NTN1: variants seen among roughly 807,000 people sequenced by gnomAD.
The protein encoded by NTN1 is netrin 1.
A neutral mutation model predicts 54.2 loss-of-function variants in NTN1; 11 were observed. The ratio of observed to expected loss-of-function variants is 0.20; its 90% CI spans 0.13 to 0.34. NTN1 has a LOEUF of 0.34. Among genes scored for constraint, NTN1 ranks in the 10% least tolerant of loss-of-function variants. The probability of loss-of-function intolerance (pLI) is 1.00; values close to 1 mark genes in which losing one functional copy is unlikely to be tolerated. For synonymous variants in NTN1, 371 were observed against 382.0 expected (o/e 0.97, Z 0.33); for missense variants, 740 against 893.1 (o/e 0.83, Z 2.18).
chr17:9,186,038 C>T (rs936128997), intron 5 of NTN1, among the ~76,000 whole-genome samples: 3 of 152,026 alleles, frequency 2.0e-5, no homozygotes, highest in Non-Finnish European at 1.5e-5. Context: ...TTCAGAGGCA[C>T]CTGCTTGTTC....
At chr17:9,088,967 C>T (rs1405866852) in intron 2 of NTN1, among the ~76,000 whole-genome samples, 4 of 152,186 alleles carry the variant, frequency 2.6e-5, no homozygotes, top group Non-Finnish European at 5.9e-5. Flanking sequence ...AATTTCTCCT[C>T]AGCCTCATGC....
chr17:9,086,856 C>T (rs1346775131), intron 2 of NTN1, among the ~76,000 whole-genome samples: 1 of 152,146 alleles, frequency 6.6e-6, no homozygotes, highest in Non-Finnish European at 1.5e-5. Context: ...TTGTCACCAT[C>T]ATCATCACTT....
rs894055463 is a variant in NTN1, at chr17:9,135,458, G to C, written c.1019-27355G>C. 1.3e-5 allele frequency among the ~76,000 whole-genome samples: 2 copies of C among 152,182 alleles called. No homozygotes were observed. Among genetic ancestry groups the C allele is most frequent in the African/African-American group, 2.4e-5 (1 of 41,450 alleles). On this transcript the variant is annotated intron_variant, in intron 2 of 6. Coordinates refer to ENST00000173229, the MANE Select transcript of NTN1 (RefSeq NM_004822.3). The surrounding 1 kb of genome is among the most constrained non-coding windows in gnomAD (Gnocchi z 4.4). Reference sequence around the variant, plus strand: ...TCCCCCTATTCTCGGGTTGTCTCCTGTTCCCAGCAATAGTTCATTCGCCAC... The same window carrying C: ...TCCCCCTATTCTCGGGTTGTCTCCTCTTCCCAGCAATAGTTCATTCGCCAC...
chr17:9,079,779 T>G (rs145111573), intron 2 of NTN1, among the ~76,000 whole-genome samples: 8 of 78,146 alleles, frequency 1.0e-4, no homozygotes, highest in African/African-American at 1.4e-4. Flanking sequence ...TTCCCCCTGG[T>G]AAGTGGTTCC....
intron 6 of NTN1, among the ~76,000 whole-genome samples, chr17:9,233,234 G>A (rs1905875205): frequency 6.6e-6 from 1 of 152,110 alleles, no homozygotes; most frequent in Non-Finnish European, 1.5e-5. Context: ...CCAGGGAAAG[G>A]AGAAGGGCCA....
intron 2 of NTN1, among the ~76,000 whole-genome samples, chr17:9,103,490 G>A (rs1459038490): frequency 6.6e-6 from 1 of 151,896 alleles, no homozygotes; most frequent in African/African-American, 2.4e-5. Context: ...TTTTATAAGG[G>A]GCTTTTCTCT....
At chr17:9,063,511 T>A (rs1034839367) in intron 2 of NTN1, among the ~76,000 whole-genome samples, 1 of 151,976 alleles carries the variant, frequency 6.6e-6, no homozygotes, top group African/African-American at 2.4e-5. Context: ...AGTTCCACAT[T>A]GAGCTATGAA....
At chr17:9,034,959 T>A (rs1455647921) in intron 2 of NTN1, among the ~76,000 whole-genome samples, 1 of 152,104 alleles carries the variant, frequency 6.6e-6, no homozygotes, top group Non-Finnish European at 1.5e-5. Flanking sequence ...TTATTTGTTA[T>A]TTTTTGAGAC....
At chr17:9,161,818 G>A (rs896348812) in intron 2 of NTN1, among the ~76,000 whole-genome samples, 1 of 152,178 alleles carries the variant, frequency 6.6e-6, no homozygotes, top group African/African-American at 2.4e-5. Context: ...TGCTTCTGCT[G>A]ATCATGCTGA....
chr17:9,059,734 GT>G (rs1229928365), intron 2 of NTN1, among the ~76,000 whole-genome samples: 1 of 151,920 alleles, frequency 6.6e-6, no homozygotes, highest in Non-Finnish European at 1.5e-5. Flanking sequence ...CTAGACAGAG[GT>G]GATGGTTGTA....
chr17:9,022,908 A>C lies in NTN1; in HGVS notation c.535A>C (p.Thr179Pro). Residue 179 changes from threonine (T) to proline (P), a missense_variant, in exon 2 of 7, where the codon ACG (threonine) becomes CCG (proline). Thr to Pro is a conservative substitution (Grantham distance 38). Coordinates refer to ENST00000173229, the MANE Select transcript of NTN1 (RefSeq NM_004822.3). ...GTGGGTGCCCTTCCAGTTCTACTCC[A>C]CGCAGTGCCGCAAGATGTACAACCG... ...RTWVPFQFYSTQCRKMYNRPH... is the reference protein window; with the variant it reads ...RTWVPFQFYSPQCRKMYNRPH... 1 of 1,611,950 alleles carries C rather than the reference A, an allele frequency of 6.2e-7. No individual in the cohort carries two copies. Among genetic ancestry groups the C allele is most frequent in the Non-Finnish European group, 8.5e-7 (1 of 1,179,868 alleles).
chr17:9,092,319 C>T (rs867818314), intron 2 of NTN1, among the ~76,000 whole-genome samples: 2 of 91,714 alleles, frequency 2.2e-5, no homozygotes, highest in South Asian at 5.5e-4. Context: ...CTTTTCTTCT[C>T]TTTTTTTTTT....
In NTN1 at chr17:9,135,987, A is replaced by G. The variant is rs1353152226; in HGVS notation, c.1019-26826A>G. ...ACGTGCCTACTCAAACTCGACACCC[A>G]TCCTCCTCACTCCCGCCTGGGAAGC... On this transcript the variant is annotated intron_variant, in intron 2 of 6. Transcript: ENST00000173229. The surrounding 1 kb of genome is among the most constrained non-coding windows in gnomAD (Gnocchi z 4.4). 6.6e-6 allele frequency among the ~76,000 whole-genome samples: 1 copy of G among 152,080 alleles called. No homozygotes were observed. Among genetic ancestry groups the G allele is most frequent in the Non-Finnish European group, 1.5e-5 (1 of 67,998 alleles).
intron 2 of NTN1, among the ~76,000 whole-genome samples, chr17:9,140,759 C>G (rs1175384965): frequency 1.3e-5 from 2 of 152,156 alleles, no homozygotes; most frequent in African/African-American, 4.8e-5. Context: ...TTGTCCTGCA[C>G]AGGAGGGAAA....
chr17:9,100,233 A>G (rs746411059), intron 2 of NTN1, among the ~76,000 whole-genome samples: 6 of 152,140 alleles, frequency 3.9e-5, no homozygotes, highest in Admixed American at 1.3e-4. Flanking sequence ...ATAATTTTGC[A>G]TGCATTTTAC....
intron 2 of NTN1, among the ~76,000 whole-genome samples, chr17:9,096,801 C>CT (rs1312759890): frequency 6.6e-6 from 1 of 152,186 alleles, no homozygotes; most frequent in Non-Finnish European, 1.5e-5. Context: ...TAGCAGGCGT[C>CT]TTTGTCTTAA....
intron 2 of NTN1, among the ~76,000 whole-genome samples, chr17:9,064,202 C>T (rs1019629048): frequency 2.6e-5 from 4 of 152,038 alleles, no homozygotes; most frequent in African/African-American, 7.2e-5. Context: ...ATTCATTCAT[C>T]GGTCCATGCT....
chr17:9,170,266 A>G (rs930906115), intron 3 of NTN1, among the ~76,000 whole-genome samples: 3 of 152,192 alleles, frequency 2.0e-5, no homozygotes, highest in Non-Finnish European at 4.4e-5. Context: ...GATGATGTGG[A>G]GGATGTCCGG....
intron 2 of NTN1, among the ~76,000 whole-genome samples, chr17:9,149,174 C>A (rs543678823): frequency 1.1e-4 from 17 of 152,174 alleles, no homozygotes; most frequent in Non-Finnish European, 2.4e-4. Flanking sequence ...GCTTGGCTGG[C>A]AAATCAGCCC....
Sources: allele counts gnomAD v4.1 joint callset (sites outside exome capture counted in the v4.1 genomes callset), GRCh38; gene constraint gnomAD v4.1.1; non-coding constraint Gnocchi (gnomAD v3.1); transcripts MANE v1.5; gene names NCBI Gene and HGNC (gene_info 2026-07-23, HGNC 2026-07-21).